ULK4: variants seen among roughly 807,000 people sequenced by gnomAD.
ULK4 encodes the protein unc-51 like kinase 4.
ULK4 carries 133 observed loss-of-function variants against 160.6 expected under a neutral mutation model. That is an observed-to-expected ratio of 0.83 (90% confidence interval 0.72 to 0.96). The LOEUF is 0.96. Ranked by LOEUF, ULK4 falls within the 40% of genes least tolerant of loss-of-function variation. ULK4 has a pLI of 0.00. For synonymous variants in ULK4, 534 were observed against 539.8 expected (o/e 0.99, Z 0.15); for missense variants, 1,580 against 1,499.5 (o/e 1.05, Z -0.89).
intron 19 of ULK4, among the ~76,000 whole-genome samples, chr3:41,806,409 G>A (rs369121675): frequency 2.6e-5 from 4 of 151,952 alleles, no homozygotes; most frequent in East Asian, 1.9e-4. Context: ...TGGTCTATCA[G>A]TTTTGTTGAT....
chr3:41,261,106 A>T (rs1483306532), intron 35 of ULK4, among the ~76,000 whole-genome samples: 1 of 152,168 alleles, frequency 6.6e-6, no homozygotes, highest in Non-Finnish European at 1.5e-5. Context: ...GCATTAGTAG[A>T]TGTGCGGGGG....
chr3:41,744,089 T>C (rs941863548), intron 22 of ULK4, among the ~76,000 whole-genome samples: 2 of 151,890 alleles, frequency 1.3e-5, no homozygotes, highest in Non-Finnish European at 2.9e-5. Flanking sequence ...CAAGGTGATA[T>C]ACTCAACAGT....
At chr3:41,800,093 G>A in intron 20 of ULK4, 39 bp downstream of exon 20, 3 of 1,480,134 alleles carry the variant, frequency 2.0e-6, no homozygotes, top group Non-Finnish European at 2.7e-6. Flanking sequence ...GCTGTTTAAA[G>A]ATACCCAGAC....
At chr3:41,436,011 T>C (rs2083028407) in intron 34 of ULK4, among the ~76,000 whole-genome samples, 1 of 152,154 alleles carries the variant, frequency 6.6e-6, no homozygotes, top group East Asian at 1.9e-4. Context: ...CAACTTACGA[T>C]GATTTTACTT....
chr3:41,616,139 G>T (rs921996246), intron 30 of ULK4, among the ~76,000 whole-genome samples: 2 of 152,140 alleles, frequency 1.3e-5, no homozygotes, highest in African/African-American at 4.8e-5. Context: ...ATTAATGTAT[G>T]ACGAATTTTA....
At chr3:41,872,241 T>G (rs1170382633) in intron 17 of ULK4, among the ~76,000 whole-genome samples, 1 of 152,120 alleles carries the variant, frequency 6.6e-6, no homozygotes, top group African/African-American at 2.4e-5. Context: ...AACTCTTATC[T>G]CCCTAGCACT....
Position 41,827,897 on chromosome 3 carries a change from C to T in ULK4, c.1764+7967G>A, listed in dbSNP as rs138763030. The stretch of plus-strand genomic sequence containing the variant: ...CCGATGAACACTGATGCAAAAATCC[C>T]CAATAAAATACGGGCAAACCAAATC... On this transcript the variant is annotated intron_variant, in intron 18 of 36. Coordinates refer to ENST00000301831, the MANE Select transcript of ULK4 (RefSeq NM_017886.4). Among the ~76,000 whole-genome samples, 413 of 152,048 alleles carry T rather than the reference C, an allele frequency of 2.7e-3. 7 individuals carry two copies. Among genetic ancestry groups the T allele is most frequent in the African/African-American group, 9.4e-3 (390 of 41,442 alleles).
chr3:41,730,740 AG>A (rs1225849817), intron 22 of ULK4, among the ~76,000 whole-genome samples: 2 of 152,216 alleles, frequency 1.3e-5, no homozygotes, highest in Non-Finnish European at 2.9e-5. Flanking sequence ...TTGAAGACAA[AG>A]AAGTCTTTCA....
chr3:41,366,261 G>A (rs1481164887), intron 35 of ULK4, among the ~76,000 whole-genome samples: 1 of 152,130 alleles, frequency 6.6e-6, no homozygotes, highest in Non-Finnish European at 1.5e-5. Context: ...ACTTACTTCA[G>A]TGGAAAACCA....
At chr3:41,702,336 G>C (rs147369218) in intron 27 of ULK4, among the ~76,000 whole-genome samples, 111 of 152,134 alleles carry the variant, frequency 7.3e-4, no homozygotes, top group African/African-American at 2.4e-3. Flanking sequence ...GTAGAGATGG[G>C]ATTTCACTAT....
In ULK4 at chr3:41,592,569, A is replaced by T. The variant is rs1339195670; in HGVS notation, c.3120+23100T>A. 5.9e-5 allele frequency among the ~76,000 whole-genome samples: 9 copies of T among 152,326 alleles called. No individual in the cohort carries two copies. In the South Asian group the frequency reaches 1.7e-3, roughly 28 times the overall value. ...CCTCAATAACCTATGGAAATAAAAA[A>T]ATTTTTTTAAATAACAATAAAAATA... On this transcript the variant is annotated intron_variant, in intron 31 of 36. Transcript: ENST00000301831.
chr3:41,527,797 T>C (rs1341781913), intron 32 of ULK4, among the ~76,000 whole-genome samples: 1 of 152,258 alleles, frequency 6.6e-6, no homozygotes, highest in Non-Finnish European at 1.5e-5. Context: ...AATCACACTT[T>C]TCTTTTAGCA....
At chr3:41,485,959 C>A (rs1012308607) in intron 32 of ULK4, among the ~76,000 whole-genome samples, 1 of 152,142 alleles carries the variant, frequency 6.6e-6, no homozygotes, top group Non-Finnish European at 1.5e-5. Flanking sequence ...AATATTCATT[C>A]TTTACCTCCT....
intron 22 of ULK4, among the ~76,000 whole-genome samples, chr3:41,736,677 G>A (rs1575627716): frequency 6.6e-6 from 1 of 151,066 alleles, no homozygotes; most frequent in Non-Finnish European, 1.5e-5. Context: ...CTTTTGCTGT[G>A]CAGAAGCTCT....
intron 4 of ULK4, among the ~76,000 whole-genome samples, 184 bp from the exon 5 acceptor site, chr3:41,932,190 A>C (rs1270172813): frequency 6.6e-6 from 1 of 152,220 alleles, no homozygotes; most frequent in African/African-American, 2.4e-5. Context: ...TTAATAATCA[A>C]ATAAAAAATT....
In ULK4 at chr3:41,283,920, C is replaced by T. The variant is rs573693867; in HGVS notation, c.3679-34346G>A. Among the ~76,000 whole-genome samples the T allele has an allele frequency of 2.6e-5, 4 of 151,988 alleles. No homozygotes were observed. The South Asian group carries it at 6.2e-4, about 24-fold the overall frequency. Reference sequence around the variant, plus strand: ...CTTCTATACACCAACAGTGACCAAGCGGAGAATCAAATCAAGAACTCAACC... The same window carrying T: ...CTTCTATACACCAACAGTGACCAAGTGGAGAATCAAATCAAGAACTCAACC... On this transcript the variant is annotated intron_variant, in intron 35 of 36. Transcript: ENST00000301831.
At chr3:41,708,277 G>A (rs1030806906) in intron 25 of ULK4, among the ~76,000 whole-genome samples, 1 of 151,954 alleles carries the variant, frequency 6.6e-6, no homozygotes, top group African/African-American at 2.4e-5. Context: ...TCAAGATATA[G>A]AATCAACTCA....
At chr3:41,443,341 T>C (rs565722722) in intron 34 of ULK4, among the ~76,000 whole-genome samples, 50 of 152,312 alleles carry the variant, frequency 3.3e-4, no homozygotes, top group Admixed American at 7.8e-4. Context: ...CTTCTTTCAC[T>C]TATCAACTTT....
At chr3:41,417,817 T>C (rs1216127226) in intron 34 of ULK4, among the ~76,000 whole-genome samples, 1 of 152,174 alleles carries the variant, frequency 6.6e-6, no homozygotes, top group Non-Finnish European at 1.5e-5. Context: ...ATGTAGTTTT[T>C]ATTCTGGCTG....
Sources: gnomAD v4.1 joint callset for allele counts (sites outside exome capture counted in the v4.1 genomes callset) on GRCh38, gnomAD v4.1.1 for gene constraint, MANE v1.5 for transcripts, NCBI Gene and HGNC (gene_info 2026-07-23, HGNC 2026-07-21) for gene names.